SPANXN4: variants seen among roughly 807,000 people sequenced by gnomAD.
SPANXN4 encodes SPANX family member N4, also known as sperm protein associated with the nucleus on the X chromosome N4.
Under a neutral mutation model 6.0 loss-of-function variants are expected in SPANXN4, and 5 were observed. The observed-to-expected ratio is 0.83, with a 90% CI of 0.44 to 1.75. The LOEUF is 1.75. SPANXN4 is among the 40% of genes most tolerant of loss of function. The pLI is 0.02. For synonymous variants in SPANXN4, 45 were observed against 38.0 expected, an observed-to-expected ratio of 1.19 and a Z score of -0.68; for missense variants, 157 against 108.6, an observed-to-expected ratio of 1.45 and a Z score of -1.98.
chrX:143,029,485 A>G (rs1932796530), intron 1 of SPANXN4, among the ~76,000 whole-genome samples: 1 of 111,416 alleles, frequency 9.0e-6, no homozygotes, highest in African/African-American at 3.3e-5. Flanking sequence ...TGACGTGGAC[A>G]GCTGCTGGAC....
downstream of SPANXN4, among the ~76,000 whole-genome samples, chrX:143,037,403 G>A (rs374132645): frequency 2.4e-4 from 27 of 111,172 alleles, no homozygotes; most frequent in Middle Eastern, 4.6e-3. Flanking sequence ...GAATTCTTCC[G>A]TGAGCCATTT....
intron 1 of SPANXN4, among the ~76,000 whole-genome samples, chrX:143,028,224 G>A (rs946690077): frequency 2.7e-5 from 3 of 110,736 alleles, no homozygotes; most frequent in Non-Finnish European, 5.7e-5. Context: ...ATAACCTGCT[G>A]AGGACCCGTC....
chrX:143,027,397 C>T (rs1412178095), intron 1 of SPANXN4, among the ~76,000 whole-genome samples: 1 of 110,724 alleles, frequency 9.0e-6, no homozygotes, highest in Non-Finnish European at 1.9e-5. Flanking sequence ...TTCCAGGGAG[C>T]GCTGTTGAGT....
chrX:143,034,677 C>T, exon 3 of SPANXN4: 2 of 1,147,589 alleles, frequency 1.7e-6, no homozygotes, highest in Non-Finnish European at 2.3e-6. Flanking sequence ...TGTAACTCAC[C>T]CAATGCTGTG....
chrX:143,037,649 C>T (rs1026857612), downstream of SPANXN4, among the ~76,000 whole-genome samples: 4 of 111,495 alleles, frequency 3.6e-5, no homozygotes, highest in African/African-American at 9.8e-5. Flanking sequence ...ATTCAAATCT[C>T]GTCTTGAATT....
exon 1 of SPANXN4, chrX:143,025,982 C>T: frequency 8.5e-7 from 1 of 1,183,418 alleles, no homozygotes; most frequent in African/African-American, 1.8e-5. Flanking sequence ...CCTAGAAGAT[C>T]CTAGTACAGA....
At chrX:143,034,499 T>A in intron 2 of SPANXN4, 188 bp downstream of exon 2, 6 of 1,127,640 alleles carry the variant, frequency 5.3e-6, no homozygotes, top group Non-Finnish European at 7.0e-6. Flanking sequence ...CTTAAAATTT[T>A]ATCTCACAGG....
At chrX:143,035,283 T>C (rs1168136069), downstream of SPANXN4, among the ~76,000 whole-genome samples, 2 of 110,222 alleles carry the variant, frequency 1.8e-5, no homozygotes, top group Non-Finnish European at 3.8e-5. Flanking sequence ...TTGGCAATCA[T>C]TGTAATGCAT....
At position 143,034,448 on chromosome X, in the gene SPANXN4, A is replaced by C. The variant is rs373676156; in HGVS notation, c.284-61A>C. On this transcript the variant is annotated intron_variant, in intron 2 of 2. Transcript: ENST00000370504. ...CACAGGTTAGCCAGACATTGTAAATAAAGACTGGGGGAGGACTGATTCCTG... is the reference window on the plus strand; with the variant it reads ...CACAGGTTAGCCAGACATTGTAAATCAAGACTGGGGGAGGACTGATTCCTG... The C allele has an allele frequency of 1.4e-5, 16 of 1,106,395 alleles. 1 individual carries two copies. Among genetic ancestry groups the C allele is most frequent in the African/African-American group, 9.3e-5 (5 of 53,942 alleles). 91.2% of individuals were successfully genotyped at this position (1,106,395 alleles called of 1,213,427 possible). A position where few individuals can be genotyped will look rare whatever the true frequency, so the allele number is the denominator to read the frequency against.
At chrX:143,034,077 C>A (rs757147153) in exon 2 of SPANXN4, 1 of 1,179,459 alleles carries the variant, frequency 8.5e-7, no homozygotes, top group African/African-American at 1.8e-5. Context: ...TTGAAAGAGA[C>A]AGAAAAAGCA....
chrX:143,034,587 T>C, exon 3 of SPANXN4: 2 of 1,165,496 alleles, frequency 1.7e-6, no homozygotes, highest in Non-Finnish European at 2.3e-6. Context: ...GTATTGTATG[T>C]AGGTGACAGT....
At chrX:143,032,326 T>A (rs892811043) in intron 1 of SPANXN4, among the ~76,000 whole-genome samples, 2 of 110,854 alleles carry the variant, frequency 1.8e-5, no homozygotes, top group Non-Finnish European at 3.8e-5. Context: ...TGGAAGGCCT[T>A]TGGGTGTGTG....
intron 2 of SPANXN4, chrX:143,034,250 A>C: frequency 8.7e-7 from 1 of 1,155,595 alleles, no homozygotes; most frequent in African/African-American, 1.8e-5. Flanking sequence ...GAATTAGTCC[A>C]AATTGGACAA....
chrX:143,032,217 C>A (rs1376386870), intron 1 of SPANXN4, among the ~76,000 whole-genome samples: 2 of 24,278 alleles, frequency 8.2e-5, no homozygotes, highest in East Asian at 9.7e-3. Context: ...GATAAAGGAG[C>A]CAAGTCTCTT....
At chrX:143,031,042 A>T (rs1932806837) in intron 1 of SPANXN4, among the ~76,000 whole-genome samples, 1 of 108,541 alleles carries the variant, frequency 9.2e-6, no homozygotes, top group South Asian at 4.0e-4. Context: ...GATAATGAAG[A>T]TGAGGGGGAG....
chrX:143,037,527 G>T (rs988110211), downstream of SPANXN4, among the ~76,000 whole-genome samples: 1 of 111,658 alleles, frequency 9.0e-6, no homozygotes. Flanking sequence ...CCTTAATGGA[G>T]TCAGTACAAG....
chrX:143,029,279 G>A (rs1932795434), intron 1 of SPANXN4, among the ~76,000 whole-genome samples: 1 of 111,587 alleles, frequency 9.0e-6, no homozygotes, highest in African/African-American at 3.3e-5. Flanking sequence ...TCCTTTTGTA[G>A]TTAGAAAACC....
At chrX:143,028,874 A>G (rs1327237707) in intron 1 of SPANXN4, among the ~76,000 whole-genome samples, 1 of 111,341 alleles carries the variant, frequency 9.0e-6, no homozygotes. Context: ...ATTGGCAGCC[A>G]TGGTCGAAGA....
At chrX:143,035,492 T>C (rs1248665348), downstream of SPANXN4, among the ~76,000 whole-genome samples, 1 of 110,624 alleles carries the variant, frequency 9.0e-6, no homozygotes, top group African/African-American at 3.3e-5. Context: ...AAGAAAGATA[T>C]TTGGATTTTT....
Sources: gnomAD v4.1 joint callset for allele counts (sites outside exome capture counted in the v4.1 genomes callset) on GRCh38, gnomAD v4.1.1 for gene constraint, MANE v1.5 for transcripts, NCBI Gene and HGNC (gene_info 2026-07-23, HGNC 2026-07-21) for gene names.